The following SRGAP3 variants were observed in gnomAD, a reference collection of about 807,000 sequenced individuals.
The protein encoded by SRGAP3 is SLIT-ROBO Rho GTPase activating protein 3.
Under a neutral mutation model 121.1 loss-of-function variants are expected in SRGAP3, and 39 were observed. The observed-to-expected ratio is 0.32, with a 90% CI of 0.25 to 0.42. The LOEUF is 0.42. SRGAP3 is among the 10% of genes least tolerant of loss of function. The probability of loss-of-function intolerance (pLI) is 1.00; values close to 1 mark genes in which losing one functional copy is unlikely to be tolerated. For missense variants in SRGAP3, 1,213 were observed against 1,470.6 expected, an observed-to-expected ratio of 0.82 and a Z score of 2.86; for synonymous variants, 601 against 570.0, an observed-to-expected ratio of 1.05 and a Z score of -0.77.
chr3:9,102,400 G>A (rs900348532), intron 3 of SRGAP3, among the ~76,000 whole-genome samples: 1 of 152,166 alleles, frequency 6.6e-6, no homozygotes, highest in Non-Finnish European at 1.5e-5. Flanking sequence ...TAATGACAAG[G>A]GGCCCAAAGC....
chr3:9,254,919 AAG>A lies in SRGAP3; in HGVS notation n.442+71089_442+71090del, dbSNP rs765474709. Among the ~76,000 whole-genome samples the A allele has an allele frequency of 1.0e-4, 15 of 149,740 alleles. No individual in the cohort carries two copies. The South Asian group carries it at 1.7e-3, about 17-fold the overall frequency. On this transcript the variant is annotated intron_variant and non_coding_transcript_variant, in intron 3 of 3. Transcript: ENST00000490889. ...GAAAGGAAGGAAGGAAGGGAGGGGA[AAG>A]AGAGAGAGAAAGAAAAAGAAAGAAA... is the stretch of plus-strand genomic sequence containing the variant.
chr3:9,098,731 T>C (rs925581948), intron 3 of SRGAP3, among the ~76,000 whole-genome samples: 5 of 152,234 alleles, frequency 3.3e-5, no homozygotes, highest in African/African-American at 1.2e-4. Context: ...GTGTATAGAA[T>C]GCTTAGCCCA....
chr3:9,012,261 T>C (rs749846554), intron 17 of SRGAP3, among the ~76,000 whole-genome samples: 9 of 152,202 alleles, frequency 5.9e-5, no homozygotes, highest in Non-Finnish European at 1.2e-4. Context: ...AGGAATGCTT[T>C]GACAATCAAA....
At chr3:9,061,581 C>T (rs1946175377) in intron 5 of SRGAP3, among the ~76,000 whole-genome samples, 1 of 152,162 alleles carries the variant, frequency 6.6e-6, no homozygotes, top group Non-Finnish European at 1.5e-5. Context: ...TTTTTTTCTA[C>T]CCTTTTATTT....
chr3:9,070,801 A>T (rs1363024591), intron 4 of SRGAP3, among the ~76,000 whole-genome samples: 1 of 152,220 alleles, frequency 6.6e-6, no homozygotes, highest in Admixed American at 6.5e-5. Context: ...ATTATGTGCC[A>T]GGTACTATGC....
intron 1 of SRGAP3, among the ~76,000 whole-genome samples, chr3:9,182,510 T>TA (rs1375842544): frequency 7.2e-5 from 11 of 152,152 alleles, no homozygotes; most frequent in African/African-American, 2.4e-4. Context: ...GCCTTCCTGA[T>TA]AGAGTGATTT....
At chr3:9,222,806 C>A (rs368916554) in intron 1 of SRGAP3, among the ~76,000 whole-genome samples, 64 of 152,348 alleles carry the variant, frequency 4.2e-4, no homozygotes, top group African/African-American at 1.4e-3. Flanking sequence ...ACACTCAGAG[C>A]ATTTTGCCCC....
intron 4 of SRGAP3, among the ~76,000 whole-genome samples, chr3:9,074,398 A>G (rs1575030252): frequency 6.6e-6 from 1 of 152,286 alleles, no homozygotes; most frequent in Non-Finnish European, 1.5e-5. Context: ...GGGCTCAGGG[A>G]GTTTGTGTGG....
chr3:9,249,462 AGC>A lies in SRGAP3; in HGVS notation c.-513_-512del, dbSNP rs1402472583. 1.2e-5 allele frequency: 3 copies of A among 249,470 alleles called. No individual in the cohort carries two copies. In the East Asian group the frequency reaches 1.7e-4, roughly 14 times the overall value. The allele number at this position is 249,470 out of a possible 1,614,324, so 15.5% of individuals were successfully genotyped here. A position where few individuals can be genotyped will look rare whatever the true frequency, so the allele number is the denominator to read the frequency against. On this transcript the variant is annotated 5_prime_UTR_variant, in exon 1 of 22. An upstream open reading frame in the 5' UTR gains an earlier in-frame stop. Transcript: ENST00000383836. ...GCGGCGCCTCTTTGGTCGTGCAGCCAGCCCCTGGCTTGCTTTTGAAGGCTCTG... is the reference window on the plus strand; with the variant it reads ...GCGGCGCCTCTTTGGTCGTGCAGCCACCCTGGCTTGCTTTTGAAGGCTCTG...
chr3:9,061,381 T>C (rs1164466417), intron 5 of SRGAP3, among the ~76,000 whole-genome samples: 1 of 152,108 alleles, frequency 6.6e-6, no homozygotes, highest in Non-Finnish European at 1.5e-5. Context: ...TCAGCCTCCT[T>C]GGTCCATCCT....
intron 1 of SRGAP3, among the ~76,000 whole-genome samples, chr3:9,209,514 T>C (rs9819189): frequency 0.077 from 11,731 of 152,266 alleles, 652 homozygotes; most frequent in East Asian, 0.17. Context: ...GACAAGTGTG[T>C]GAGGACAGTG....
At chr3:9,120,017 G>A (rs1259868040) in intron 2 of SRGAP3, among the ~76,000 whole-genome samples, 4 of 152,194 alleles carry the variant, frequency 2.6e-5, no homozygotes, top group South Asian at 2.1e-4. Flanking sequence ...GCAGTTATAC[G>A]GGAGAGATAA....
intron 3 of SRGAP3, among the ~76,000 whole-genome samples, chr3:9,306,170 C>T (rs9877466): frequency 0.75 from 114,874 of 152,174 alleles, 43,486 homozygotes; most frequent in East Asian, 0.92. Context: ...CCAGTGATGA[C>T]GAGCATTTTT....
intron 3 of SRGAP3, among the ~76,000 whole-genome samples, chr3:9,099,719 G>A (rs1575073003): frequency 6.6e-6 from 1 of 152,348 alleles, no homozygotes; most frequent in Middle Eastern, 3.4e-3. Context: ...TGCTAGAAAT[G>A]CAGGTTCTCA....
At chr3:9,259,612 A>G (rs998545614) in intron 3 of SRGAP3, among the ~76,000 whole-genome samples, 1 of 152,036 alleles carries the variant, frequency 6.6e-6, no homozygotes, top group African/African-American at 2.4e-5. Flanking sequence ...CCAGCTACAT[A>G]TTTGTTTGTT....
chr3:9,046,591 C>G (rs1476339414), intron 10 of SRGAP3, among the ~76,000 whole-genome samples: 1 of 152,212 alleles, frequency 6.6e-6, no homozygotes, highest in African/African-American at 2.4e-5. Context: ...GCCTAGTTGT[C>G]AGGTCCCTCG....
intron 10 of SRGAP3, among the ~76,000 whole-genome samples, chr3:9,041,465 C>T (rs1335938645): frequency 6.6e-6 from 1 of 152,258 alleles, no homozygotes; most frequent in Non-Finnish European, 1.5e-5. Context: ...TCTTTTCCTT[C>T]TCCTACCAAA....
At position 9,060,295 on chromosome 3, in the gene SRGAP3, T is replaced by C. The variant is rs1483023556; in HGVS notation, c.737A>G (p.Asn246Ser). 1.9e-6 allele frequency: 3 copies of C among 1,614,106 alleles called. No homozygotes were observed. The African/African-American group carries it at 4.0e-5, about 22-fold the overall frequency. Reference sequence around the variant, plus strand: ...TATAGCTGCGTTGGTGGCTGCCAGATTGAGCAAGTAGTCATTCCGGGCCTT... The same window carrying C: ...TATAGCTGCGTTGGTGGCTGCCAGACTGAGCAAGTAGTCATTCCGGGCCTT... ...CTKARNDYLL[N>S]LAATNAAISK... is the part of the protein sequence containing the mutation. The change falls in exon 6 of 22, where the codon AAT becomes AGT. Residue 246 changes from asparagine to serine, a missense_variant. This residue lies in a region of SRGAP3 where 793 missense variants were observed against 1,032.9 expected (regional missense o/e 0.77). Coordinates refer to ENST00000383836, the MANE Select transcript of SRGAP3 (RefSeq NM_014850.4).
At chr3:9,310,632 T>C (rs944034152) in intron 3 of SRGAP3, among the ~76,000 whole-genome samples, 7 of 152,154 alleles carry the variant, frequency 4.6e-5, no homozygotes, top group Non-Finnish European at 4.4e-5. Flanking sequence ...CTATAACCAG[T>C]TGATACCTCA....
Sources: gnomAD v4.1 joint callset for allele counts (sites outside exome capture counted in the v4.1 genomes callset) on GRCh38, gnomAD v4.1.1 for gene constraint, gnomAD v4.1.1 regional missense constraint, MANE v1.5 for transcripts, NCBI Gene and HGNC (gene_info 2026-07-23, HGNC 2026-07-21) for gene names.